SPIDR: variants seen among roughly 807,000 people sequenced by gnomAD.
SPIDR encodes DNA repair-scaffolding protein.
A neutral mutation model predicts 104.6 loss-of-function variants in SPIDR; 93 were observed. The observed-to-expected ratio is 0.89, with a 90% CI of 0.75 to 1.06. The LOEUF is 1.06. Ranked by LOEUF, SPIDR falls within the 50% of genes least tolerant of loss-of-function variation. The pLI, the probability that SPIDR is intolerant of heterozygous loss-of-function variation, is 0.00. For synonymous variants in SPIDR, 431 were observed against 416.9 expected (o/e 1.03, Z -0.41); for missense variants, 1,154 against 1,111.2 (o/e 1.04, Z -0.55).
intron 14 of SPIDR, among the ~76,000 whole-genome samples, chr8:47,706,866 T>C (rs941093775): frequency 6.6e-6 from 1 of 152,008 alleles, no homozygotes; most frequent in Non-Finnish European, 1.5e-5. Flanking sequence ...ACCTTTAATC[T>C]CAGCACTTTG....
chr8:47,361,068 T>C, intron 5 of SPIDR: 1 of 788,640 alleles, frequency 1.3e-6, no homozygotes, highest in Non-Finnish European at 1.5e-6. Context: ...ATGGATTACA[T>C]GACCACAGTT....
intron 7 of SPIDR, among the ~76,000 whole-genome samples, chr8:47,418,709 G>A (rs536147104): frequency 8.5e-5 from 13 of 152,276 alleles, no homozygotes; most frequent in African/African-American, 2.6e-4. Context: ...TTTTCAAAGG[G>A]AATGCTTCCA....
At chr8:47,723,523 G>A (rs1256367639) in intron 16 of SPIDR, among the ~76,000 whole-genome samples, 4 of 149,632 alleles carry the variant, frequency 2.7e-5, no homozygotes, top group East Asian at 2.0e-4. Flanking sequence ...TCCGCCTCCC[G>A]GGTTCATGCC....
intron 10 of SPIDR, among the ~76,000 whole-genome samples, chr8:47,614,548 G>A (rs1365542322): frequency 6.6e-6 from 1 of 152,174 alleles, no homozygotes. Flanking sequence ...TGGCTGCATA[G>A]TATTCCATGG....
chr8:47,431,518 A>T (rs951712840), intron 7 of SPIDR, among the ~76,000 whole-genome samples: 1 of 152,190 alleles, frequency 6.6e-6, no homozygotes, highest in Admixed American at 6.5e-5. Flanking sequence ...ATTCCTACGG[A>T]ATGAGTCACA....
chr8:47,613,600 T>G (rs2154431924), intron 10 of SPIDR, among the ~76,000 whole-genome samples: 1 of 152,318 alleles, frequency 6.6e-6, no homozygotes, highest in South Asian at 2.1e-4. Flanking sequence ...GCTACATCAT[T>G]TTAAATTTTC....
chr8:47,314,840 G>T (rs2044972572), intron 5 of SPIDR, among the ~76,000 whole-genome samples: 1 of 152,094 alleles, frequency 6.6e-6, no homozygotes, highest in Admixed American at 6.5e-5. Context: ...TTTATTTGAA[G>T]GTAGAGATTC....
At chr8:47,563,380 A>G (rs142501021) in intron 8 of SPIDR, among the ~76,000 whole-genome samples, 37 of 152,028 alleles carry the variant, frequency 2.4e-4, no homozygotes, top group Admixed American at 6.6e-4. Flanking sequence ...CCTATGTTGC[A>G]CAGGCTGATC....
intron 8 of SPIDR, among the ~76,000 whole-genome samples, chr8:47,467,172 T>C (rs547665380): frequency 1.3e-5 from 2 of 152,084 alleles, no homozygotes; most frequent in Admixed American, 1.3e-4. Context: ...AGGAAGAAAT[T>C]GAATTTTTGA....
At chr8:47,411,707 T>G (rs1554671720) in intron 7 of SPIDR, among the ~76,000 whole-genome samples, 1 of 152,200 alleles carries the variant, frequency 6.6e-6, no homozygotes, top group Non-Finnish European at 1.5e-5. Flanking sequence ...GCTTTTGGTG[T>G]TTTAGACATG....
chr8:47,732,327 G>C (rs139500219), intron 19 of SPIDR: 144 of 644,272 alleles, frequency 2.2e-4, no homozygotes, highest in African/African-American at 2.2e-3. Flanking sequence ...GTGTGCATCA[G>C]AGCACCTTTG....
chr8:47,726,554 C>T (rs966408532), intron 16 of SPIDR, among the ~76,000 whole-genome samples: 1 of 152,192 alleles, frequency 6.6e-6, no homozygotes, highest in Non-Finnish European at 1.5e-5. Flanking sequence ...TGTGCTCACC[C>T]GGCCTCAGCC....
At chr8:47,497,770 G>A (rs1246249261) in intron 8 of SPIDR, among the ~76,000 whole-genome samples, 3 of 152,144 alleles carry the variant, frequency 2.0e-5, no homozygotes, top group African/African-American at 7.2e-5. Context: ...AATTGACATT[G>A]CATGTAAATA....
At chr8:47,418,360 T>C (rs1192975969) in intron 7 of SPIDR, among the ~76,000 whole-genome samples, 1 of 152,224 alleles carries the variant, frequency 6.6e-6, no homozygotes, top group East Asian at 1.9e-4. Flanking sequence ...GTTGGATTCC[T>C]AGGTATTTTA....
intron 8 of SPIDR, among the ~76,000 whole-genome samples, chr8:47,579,502 T>TTTTATTTCATTTTAC (rs1191980989): frequency 6.6e-6 from 1 of 152,242 alleles, no homozygotes; most frequent in Non-Finnish European, 1.5e-5. Context: ...TTTAAAATTA[T>TTTTATTTCATTTTAC]TTTATTTCAT....
chr8:47,458,957 A>G (rs1554711616), intron 8 of SPIDR, among the ~76,000 whole-genome samples: 1 of 152,056 alleles, frequency 6.6e-6, no homozygotes, highest in Admixed American at 6.6e-5. Context: ...ATTGATTTGC[A>G]TATGTTAAAT....
intron 8 of SPIDR, among the ~76,000 whole-genome samples, chr8:47,531,647 T>C (rs2086014394): frequency 6.6e-6 from 1 of 152,226 alleles, no homozygotes; most frequent in African/African-American, 2.4e-5. Context: ...ATTCTACTTC[T>C]GTTTCTTCTC....
chr8:47,330,042 G>T (rs1160233257), intron 5 of SPIDR, among the ~76,000 whole-genome samples: 2 of 152,134 alleles, frequency 1.3e-5, no homozygotes, highest in African/African-American at 4.8e-5. Flanking sequence ...TTTTCATGTG[G>T]ACTTGTGTGG....
rs2068442620 is a variant in SPIDR at position 47,639,179 on chromosome 8, AC to A, written c.1545-34621del. 2.0e-5 allele frequency among the ~76,000 whole-genome samples: 3 copies of A among 152,224 alleles called. No homozygotes were observed. In the South Asian group the frequency reaches 6.2e-4, roughly 31 times the overall value. On this transcript the variant is annotated intron_variant, in intron 10 of 19. Coordinates refer to ENST00000297423, the MANE Select transcript of SPIDR (RefSeq NM_001080394.4). ...AGTTATGGTTGTCTTTGGTGAAATG[AC>A]ACTAACAGTACATGGGAGGGAAGGT...
Sources: allele counts gnomAD v4.1 joint callset (sites outside exome capture counted in the v4.1 genomes callset), GRCh38; gene constraint gnomAD v4.1.1; transcripts MANE v1.5; gene names NCBI Gene and HGNC (gene_info 2026-07-23, HGNC 2026-07-21).